KCNIP4: variants seen among roughly 807,000 people sequenced by gnomAD.
KCNIP4 encodes Kv channel-interacting protein 4.
Under a neutral mutation model 34.0 loss-of-function variants are expected in KCNIP4, and 12 were observed. The observed-to-expected ratio is 0.35, with a 90% CI of 0.23 to 0.57. KCNIP4 has a LOEUF of 0.57. Among genes scored for constraint, KCNIP4 ranks in the 20% least tolerant of loss-of-function variants. The pLI, the probability that KCNIP4 is intolerant of heterozygous loss-of-function variation, is 0.83. For missense variants in KCNIP4, 238 were observed against 311.7 expected (o/e 0.76, Z 1.78); for synonymous variants, 124 against 102.2 (o/e 1.21, Z -1.29).
At chr4:21,457,046 T>C (rs1729011091) in intron 1 of KCNIP4, among the ~76,000 whole-genome samples, 1 of 152,042 alleles carries the variant, frequency 6.6e-6, no homozygotes, top group Non-Finnish European at 1.5e-5. Context: ...TCCTCTTCAG[T>C]TGTGGAAAAA....
chr4:20,978,740 G>T (rs140823497), intron 1 of KCNIP4, among the ~76,000 whole-genome samples: 337 of 151,948 alleles, frequency 2.2e-3, no homozygotes, highest in African/African-American at 7.7e-3. Flanking sequence ...ATTCTTCTTG[G>T]ATTTTCTTGT....
At chr4:20,829,499 G>A (rs139243930) in intron 3 of KCNIP4, among the ~76,000 whole-genome samples, 2,543 of 152,222 alleles carry the variant, frequency 0.017, 75 homozygotes, top group African/African-American at 0.058. Context: ...GAGCCACCGC[G>A]CCTGGCCCAG....
At position 21,896,671 on chromosome 4, in the gene KCNIP4, C is replaced by T. The variant is rs2203276; in HGVS notation, c.61+51900G>A. On this transcript the variant is annotated intron_variant, in intron 1 of 8. Transcript: ENST00000382152. Reference sequence around the variant, plus strand: ...TGGTGGCTCATACCTGCAATCCCAGCACTTTGGGAGGCCGAGGCAGGCAGA... The same window carrying T: ...TGGTGGCTCATACCTGCAATCCCAGTACTTTGGGAGGCCGAGGCAGGCAGA... 6.9e-3 allele frequency among the ~76,000 whole-genome samples: 1,057 copies of T among 152,228 alleles called. 10 individuals carry two copies. The highest frequency in any genetic ancestry group is 0.022 in the African/African-American group (919 of 41,540).
intron 1 of KCNIP4, among the ~76,000 whole-genome samples, chr4:21,144,028 G>A (rs1383620109): frequency 6.6e-6 from 1 of 152,156 alleles, no homozygotes; most frequent in Non-Finnish European, 1.5e-5. Context: ...ATTCTGTGAA[G>A]TCTCTGTGCC....
At chr4:21,888,302 G>T (rs1726900715) in intron 1 of KCNIP4, among the ~76,000 whole-genome samples, 1 of 152,110 alleles carries the variant, frequency 6.6e-6, no homozygotes, top group Non-Finnish European at 1.5e-5. Flanking sequence ...CAGGCCACAA[G>T]AATTACTCAT....
chr4:21,400,488 C>CTCTCT (rs1553876094), intron 1 of KCNIP4, among the ~76,000 whole-genome samples: 2 of 120,012 alleles, frequency 1.7e-5, no homozygotes, highest in Admixed American at 8.6e-5. Flanking sequence ...CTCTCCTCTC[C>CTCTCT]TCTCCCCTCC....
intron 1 of KCNIP4, among the ~76,000 whole-genome samples, chr4:21,145,339 T>A (rs1187538513): frequency 6.6e-6 from 1 of 152,042 alleles, no homozygotes; most frequent in Non-Finnish European, 1.5e-5. Context: ...TTCATGGAGG[T>A]GGGGAGAGGT....
chr4:21,577,819 T>A (rs1394052016), intron 1 of KCNIP4, among the ~76,000 whole-genome samples: 2 of 152,130 alleles, frequency 1.3e-5, no homozygotes, highest in Admixed American at 1.3e-4. Flanking sequence ...ATTCCTGGTG[T>A]CATCATTTGG....
chr4:21,235,500 T>C (rs1759292220), intron 1 of KCNIP4, among the ~76,000 whole-genome samples: 1 of 152,194 alleles, frequency 6.6e-6, no homozygotes, highest in African/African-American at 2.4e-5. Flanking sequence ...CAGATATCCA[T>C]GACTTGCTTC....
chr4:21,474,734 C>T (rs774784599), intron 1 of KCNIP4, among the ~76,000 whole-genome samples: 6 of 151,356 alleles, frequency 4.0e-5, no homozygotes, highest in Admixed American at 1.3e-4. Flanking sequence ...CGGTGGCTCA[C>T]GCCTGTAATC....
chr4:21,320,605 C>T (rs890404399), intron 1 of KCNIP4, among the ~76,000 whole-genome samples: 1 of 152,122 alleles, frequency 6.6e-6, no homozygotes, highest in Non-Finnish European at 1.5e-5. Context: ...TGCTCATTCT[C>T]AGGATTTGCA....
intron 3 of KCNIP4, among the ~76,000 whole-genome samples, chr4:20,817,999 T>C (rs1392007776): frequency 6.6e-6 from 1 of 152,186 alleles, no homozygotes; most frequent in Non-Finnish European, 1.5e-5. Flanking sequence ...TTTGGATTCA[T>C]GGCAAGTTGA....
chr4:21,436,778 T>A (rs981953022), intron 1 of KCNIP4, among the ~76,000 whole-genome samples: 1 of 152,244 alleles, frequency 6.6e-6, no homozygotes, highest in Non-Finnish European at 1.5e-5. Flanking sequence ...AGATCAATTA[T>A]CCAATAAATG....
intron 1 of KCNIP4, among the ~76,000 whole-genome samples, chr4:21,610,619 T>C (rs985689938): frequency 1.2e-4 from 18 of 152,148 alleles, no homozygotes; most frequent in African/African-American, 4.3e-4. Flanking sequence ...TAAATATGTA[T>C]ATTAGAATAC....
At chr4:21,756,461 C>T (rs951102424) in intron 1 of KCNIP4, among the ~76,000 whole-genome samples, 1 of 150,252 alleles carries the variant, frequency 6.7e-6, no homozygotes, top group Non-Finnish European at 1.5e-5. Context: ...GGCTGAGGTA[C>T]GAGAATTGCT....
intron 1 of KCNIP4, among the ~76,000 whole-genome samples, chr4:21,754,431 T>G (rs564972002): frequency 2.5e-4 from 38 of 152,222 alleles, no homozygotes; most frequent in Non-Finnish European, 3.2e-4. Context: ...TCTGGCTTAT[T>G]ATAGGAGATG....
Position 20,754,233 on chromosome 4 carries a change from C to T in KCNIP4, c.359-4501G>A, listed in dbSNP as rs147395459. ...TTTTTCTGACATCCAGCTCACCAAACAAGTTGGGTTTGATAAACTGTTTCA... is the reference window on the plus strand; with the variant it reads ...TTTTTCTGACATCCAGCTCACCAAATAAGTTGGGTTTGATAAACTGTTTCA... On this transcript the variant is annotated intron_variant, in intron 4 of 8. Coordinates refer to ENST00000382152, the MANE Select transcript of KCNIP4 (RefSeq NM_025221.6). 2.3e-3 allele frequency among the ~76,000 whole-genome samples: 352 copies of T among 152,220 alleles called. 8 individuals carry two copies. The South Asian group carries it at 0.046, about 20-fold the overall frequency.
intron 1 of KCNIP4, among the ~76,000 whole-genome samples, chr4:20,999,414 G>GTTTTTTTT (rs5856594): frequency 1.6e-4 from 15 of 95,342 alleles, no homozygotes; most frequent in African/African-American, 7.0e-4. Flanking sequence ...TTGTGGTGGT[G>GTTTTTTTT]TTTTTTTTTT....
intron 1 of KCNIP4, among the ~76,000 whole-genome samples, chr4:21,015,689 A>G (rs1398219478): frequency 2.3e-5 from 3 of 132,658 alleles, no homozygotes; most frequent in Admixed American, 8.4e-5. Context: ...ATATTGCATT[A>G]ATATAATATA....
Sources: allele counts gnomAD v4.1 joint callset (sites outside exome capture counted in the v4.1 genomes callset), GRCh38; gene constraint gnomAD v4.1.1; transcripts MANE v1.5; gene names NCBI Gene and HGNC (gene_info 2026-07-23, HGNC 2026-07-21).